The following HABP2 variants were observed in gnomAD, a reference collection of about 807,000 sequenced individuals.
The protein encoded by HABP2 is factor VII-activating protease.
HABP2 carries 65 observed loss-of-function variants against 66.5 expected under a neutral mutation model. That is an observed-to-expected ratio of 0.98 (90% CI 0.80 to 1.20). The LOEUF (loss-of-function observed/expected upper bound fraction) is 1.20. HABP2 is among the 50% of genes most tolerant of loss of function. The pLI is 0.00. For synonymous variants in HABP2, 263 were observed against 253.9 expected (o/e 1.04, Z -0.34); for missense variants, 786 against 691.0 (o/e 1.14, Z -1.54).
Position 113,584,184 on chromosome 10 carries a change from C to G in HABP2, c.1274C>G (p.Ala425Gly). The change falls in exon 11 of 13, where the codon GCT becomes GGT. Residue 425 changes from alanine (A) to glycine (G), a missense_variant. Coordinates refer to ENST00000351270, the MANE Select transcript of HABP2 (RefSeq NM_004132.5). ...LKLKPVDGHC[A>G]LESKYVKTVC... ...TTAAAGCCAGTGGATGGTCACTGTG[C>G]TCTAGAATCCAAATACGTGAAGACT... 3.7e-6 allele frequency: 6 copies of G among 1,613,484 alleles called. 1 individual carries two copies. Among genetic ancestry groups the G allele is most frequent in the Middle Eastern group, 3.3e-4 (2 of 6,062 alleles).
rs1845787643 is a variant in HABP2, at chr10:113,589,274, A to G, written c.*905A>G. The G allele has an allele frequency of 5.1e-6, 3 of 591,542 alleles. No homozygotes were observed. Among genetic ancestry groups the G allele is most frequent in the Non-Finnish European group, 8.9e-6 (3 of 335,622 alleles). The allele number at this position is 591,542 out of a possible 1,614,324, so 36.6% of individuals were successfully genotyped here. On this transcript the variant is annotated 3_prime_UTR_variant, in exon 13 of 13. Coordinates refer to ENST00000351270, the MANE Select transcript of HABP2 (RefSeq NM_004132.5). Reference sequence around the variant, plus strand: ...AATGAGAAAGCAAAGCCAATCTCTCATTTAGACCTGGCTTCTTTCTTCTGA... The same window carrying G: ...AATGAGAAAGCAAAGCCAATCTCTCGTTTAGACCTGGCTTCTTTCTTCTGA...
chr10:113,578,244 A>T, intron 6 of HABP2, 99 bp downstream of exon 6: 1 of 1,306,398 alleles, frequency 7.7e-7, no homozygotes, highest in Non-Finnish European at 1.1e-6. Flanking sequence ...CAAGTTTCCC[A>T]AACTCGACTA....
chr10:113,580,546 AGT>A (rs758955005), intron 7 of HABP2, 47 bp from the exon 8 acceptor site: 7 of 931,184 alleles, frequency 7.5e-6, no homozygotes, highest in Non-Finnish European at 1.3e-5. Context: ...AATAAGATCC[AGT>A]GTGTTCATCA....
At chr10:113,585,651 C>G in intron 11 of HABP2, 142 bp from the exon 12 acceptor site, 2 of 660,894 alleles carry the variant, frequency 3.0e-6, no homozygotes, top group South Asian at 3.5e-5. Flanking sequence ...AAAGATGAGG[C>G]TTTTCTGCCC....
At chr10:113,586,024 A>G in intron 12 of HABP2, 86 bp downstream of exon 12, 2 of 1,236,888 alleles carry the variant, frequency 1.6e-6, no homozygotes, top group Non-Finnish European at 2.3e-6. Flanking sequence ...CTGGGCTGGG[A>G]GCTAGGTTCA....
intron 10 of HABP2, 88 bp from the exon 11 acceptor site, chr10:113,584,060 G>A (rs1266650726): frequency 1.1e-5 from 13 of 1,162,406 alleles, no homozygotes; most frequent in African/African-American, 1.5e-5. Flanking sequence ...GGGCTTTGCT[G>A]TGGCCACCTT....
chr10:113,577,184 G>C lies in HABP2; in HGVS notation c.366G>C (p.Arg122=), dbSNP rs750643829. ...QNTCKDNPCG[R]GQCLITQSPP... ...CGTGCAAGGACAACCCATGTGGCCG[G>C]GGCCAATGTCTCATTACCCAGAGTC... The change falls in exon 5 of 13, where the codon CGG becomes CGC. Residue 122 remains arginine (R), a synonymous_variant. Coordinates refer to ENST00000351270, the MANE Select transcript of HABP2 (RefSeq NM_004132.5). 1 of 1,612,072 alleles carries C rather than the reference G, an allele frequency of 6.2e-7. No individual in the cohort carries two copies. Among genetic ancestry groups the C allele is most frequent in the Non-Finnish European group, 8.5e-7 (1 of 1,178,122 alleles).
upstream of HABP2, among the ~76,000 whole-genome samples, chr10:113,551,255 A>G (rs1226207380): frequency 6.6e-6 from 1 of 152,248 alleles, no homozygotes; most frequent in Non-Finnish European, 1.5e-5. Flanking sequence ...TTTCAGTCTA[A>G]TGGGGACAAT....
intron 2 of HABP2, chr10:113,569,629 C>T: frequency 6.6e-6 from 1 of 152,570 alleles, no homozygotes; most frequent in Non-Finnish European, 1.5e-5. Flanking sequence ...ACAGACTCTG[C>T]CAATCTCCCC....
At chr10:113,562,575 G>T (rs988298139) in intron 1 of HABP2, among the ~76,000 whole-genome samples, 1 of 151,690 alleles carries the variant, frequency 6.6e-6, no homozygotes, top group Non-Finnish European at 1.5e-5. Flanking sequence ...CACCCGAGTA[G>T]CTGGGACTAC....
intron 4 of HABP2, among the ~76,000 whole-genome samples, 170 bp downstream of exon 4, chr10:113,576,174 C>T (rs1344671680): frequency 1.3e-5 from 2 of 152,190 alleles, no homozygotes; most frequent in African/African-American, 4.8e-5. Context: ...TGGATCCTCA[C>T]CCCTGCACTG....
intron 2 of HABP2, among the ~76,000 whole-genome samples, chr10:113,569,160 G>T (rs551790253): frequency 1.3e-5 from 2 of 152,214 alleles, no homozygotes; most frequent in Non-Finnish European, 2.9e-5. Context: ...ATCACTGGAG[G>T]CTTTTTAAGC....
intron 9 of HABP2, 92 bp from the exon 10 acceptor site, chr10:113,583,124 A>T: frequency 9.6e-7 from 1 of 1,039,764 alleles, no homozygotes; most frequent in South Asian, 1.5e-5. Context: ...GTTACAAATG[A>T]GGAGGCTGAG....
Position 113,583,347 on chromosome 10 carries a change from A to T in HABP2, c.1226A>T (p.His409Leu), listed in dbSNP as rs371716790. Residue 409 changes from histidine (H) to leucine (L), a missense_variant, in exon 10 of 13, where the codon CAC becomes CTC. His to Leu is a moderately conservative substitution (Grantham distance 99). Coordinates refer to ENST00000351270, the MANE Select transcript of HABP2 (RefSeq NM_004132.5). ...TACAATGAAAGAGATGAGATTCCCCACAATGATATTGGCAAGTTCCTCTTT... is the reference window on the plus strand; with the variant it reads ...TACAATGAAAGAGATGAGATTCCCCTCAATGATATTGGCAAGTTCCTCTTT... Reference protein sequence around the residue: ...SHYNERDEIPHNDIALLKLKP... With the variant: ...SHYNERDEIPLNDIALLKLKP... 6.2e-7 allele frequency: 1 copy of T among 1,612,902 alleles called. No homozygotes were observed. Among genetic ancestry groups the T allele is most frequent in the African/African-American group, 1.3e-5 (1 of 74,904 alleles).
chr10:113,575,770 C>G, intron 3 of HABP2, 127 bp from the exon 4 acceptor site: 1 of 669,422 alleles, frequency 1.5e-6, no homozygotes, highest in South Asian at 1.7e-5. Flanking sequence ...CCTCCTTTCC[C>G]CAGTTTCTGG....
At chr10:113,553,949 G>A (rs1003826351) in intron 1 of HABP2, among the ~76,000 whole-genome samples, 1 of 152,190 alleles carries the variant, frequency 6.6e-6, no homozygotes. Flanking sequence ...CACAGAAATA[G>A]AGTCTCCTTG....
intron 2 of HABP2, among the ~76,000 whole-genome samples, chr10:113,570,984 T>C (rs1254684164): frequency 3.9e-5 from 6 of 152,146 alleles, no homozygotes; most frequent in South Asian, 4.1e-4. Flanking sequence ...CACTTAAAAC[T>C]CTCCAGCCAA....
At chr10:113,553,347 G>A (rs918404656) in intron 1 of HABP2, among the ~76,000 whole-genome samples, 157 bp downstream of exon 1, 2 of 152,232 alleles carry the variant, frequency 1.3e-5, no homozygotes, top group Non-Finnish European at 2.9e-5. Context: ...CCTGTGGCTT[G>A]GTTTCTTTTG....
chr10:113,580,463 G>C lies in HABP2; in HGVS notation c.741-132G>C, dbSNP rs543595632. 1.6e-4 allele frequency: 100 copies of C among 638,596 alleles called. 1 individual carries two copies. In the African/African-American group the frequency reaches 1.7e-3, roughly 11 times the overall value. The allele number at this position is 638,596 out of a possible 1,614,324, so 39.6% of individuals were successfully genotyped here. On this transcript the variant is annotated intron_variant, in intron 7 of 12. Transcript: ENST00000351270. ...CTTCTGTTCTAAGGTTTTGTAACCTGATGGAGGATTCAAAGAAATGTGGTC... is the reference window on the plus strand; with the variant it reads ...CTTCTGTTCTAAGGTTTTGTAACCTCATGGAGGATTCAAAGAAATGTGGTC...
Sources: gnomAD v4.1 joint callset for allele counts (sites outside exome capture counted in the v4.1 genomes callset) on GRCh38, gnomAD v4.1.1 for gene constraint, MANE v1.5 for transcripts, NCBI Gene and HGNC (gene_info 2026-07-23, HGNC 2026-07-21) for gene names.